The following CCSER1 variants were observed in gnomAD, a reference collection of about 807,000 sequenced individuals.
CCSER1 encodes serine-rich coiled-coil domain-containing protein 1.
In CCSER1, 41 loss-of-function variants were observed where a neutral mutation model predicts 82.0. The ratio of observed to expected loss-of-function variants is 0.50; its 90% confidence interval spans 0.39 to 0.65. The LOEUF (loss-of-function observed/expected upper bound fraction) is 0.65. Ranked by LOEUF, CCSER1 falls within the 30% of genes least tolerant of loss-of-function variation. The pLI is 0.00. For synonymous variants in CCSER1, 414 were observed against 383.9 expected (o/e 1.08, Z -0.92); for missense variants, 1,119 against 1,064.2 (o/e 1.05, Z -0.72).
At chr4:90,470,762 C>CAAAAA (rs754754971) in intron 5 of CCSER1, among the ~76,000 whole-genome samples, 858 of 68,310 alleles carry the variant, frequency 0.013, 10 homozygotes, top group Non-Finnish European at 0.017. Context: ...TTAATCAAAG[C>CAAAAA]AAAAAAAAAA....
chr4:91,181,600 TC>T (rs1358964673), intron 10 of CCSER1, among the ~76,000 whole-genome samples: 5 of 152,184 alleles, frequency 3.3e-5, no homozygotes, highest in African/African-American at 1.2e-4. Context: ...TGACCATTTT[TC>T]TCAGATCATC....
intron 10 of CCSER1, among the ~76,000 whole-genome samples, chr4:91,168,095 C>T (rs1732314046): frequency 6.8e-6 from 1 of 147,606 alleles, no homozygotes. Context: ...AGCGCCTCTG[C>T]CCAGCCCCCC....
chr4:91,460,503 GA>G (rs755352481), intron 10 of CCSER1, among the ~76,000 whole-genome samples: 75 of 152,122 alleles, frequency 4.9e-4, no homozygotes, highest in Non-Finnish European at 9.4e-4. Context: ...CCAGGAAGAA[GA>G]GAAACAATTT....
At chr4:91,326,142 G>A (rs917170892) in intron 10 of CCSER1, among the ~76,000 whole-genome samples, 1 of 152,114 alleles carries the variant, frequency 6.6e-6, no homozygotes, top group African/African-American at 2.4e-5. Flanking sequence ...AGCACATGTA[G>A]ATCAAAATAA....
At chr4:90,371,012 G>A (rs1747303934) in intron 3 of CCSER1, among the ~76,000 whole-genome samples, 1 of 151,782 alleles carries the variant, frequency 6.6e-6, no homozygotes, top group Non-Finnish European at 1.5e-5. Context: ...TTCTCAGCTG[G>A]GTACAAAACT....
At chr4:90,530,370 C>T (rs528260905) in intron 5 of CCSER1, among the ~76,000 whole-genome samples, 2 of 152,214 alleles carry the variant, frequency 1.3e-5, no homozygotes, top group East Asian at 3.9e-4. Context: ...AGCTGGTGAA[C>T]AGGCTCTTGA....
intron 3 of CCSER1, among the ~76,000 whole-genome samples, chr4:90,378,246 C>G (rs1215702066): frequency 6.6e-6 from 1 of 152,068 alleles, no homozygotes; most frequent in Non-Finnish European, 1.5e-5. Context: ...AAAATCTATA[C>G]CTGTCTTGGA....
intron 5 of CCSER1, among the ~76,000 whole-genome samples, chr4:90,506,455 T>C (rs1770693498): frequency 1.3e-5 from 2 of 152,130 alleles, no homozygotes; most frequent in African/African-American, 2.4e-5. Context: ...AAATAAATGT[T>C]TTTCAGCATT....
At chr4:90,598,173 A>T (rs776760953) in intron 5 of CCSER1, among the ~76,000 whole-genome samples, 5 of 152,116 alleles carry the variant, frequency 3.3e-5, no homozygotes, top group Non-Finnish European at 7.3e-5. Context: ...AAGATTGCTG[A>T]ATCATACGCT....
At chr4:91,335,060 G>C (rs186011890) in intron 10 of CCSER1, among the ~76,000 whole-genome samples, 21 of 152,018 alleles carry the variant, frequency 1.4e-4, no homozygotes, top group Non-Finnish European at 2.6e-4. Context: ...TCTATTCTTT[G>C]TAATATTGCA....
At chr4:90,560,906 A>G (rs1209971831) in intron 5 of CCSER1, among the ~76,000 whole-genome samples, 2 of 152,208 alleles carry the variant, frequency 1.3e-5, no homozygotes, top group African/African-American at 2.4e-5. Context: ...TTTATGAAAA[A>G]TAAAACAAAG....
At chr4:91,580,996 G>T (rs57113538) in intron 10 of CCSER1, among the ~76,000 whole-genome samples, 16,578 of 151,466 alleles carry the variant, frequency 0.11, 932 homozygotes, top group Middle Eastern at 0.18. Flanking sequence ...ATCTGTCTCG[G>T]AGCACAAGTT....
chr4:90,729,824 G>C (rs191310882), intron 7 of CCSER1, among the ~76,000 whole-genome samples: 2 of 151,816 alleles, frequency 1.3e-5, no homozygotes, highest in Non-Finnish European at 2.9e-5. Context: ...TGCAGTGAGC[G>C]GAGATAGCAC....
At chr4:90,384,118 T>G (rs1414677517) in intron 3 of CCSER1, among the ~76,000 whole-genome samples, 1 of 151,732 alleles carries the variant, frequency 6.6e-6, no homozygotes, top group African/African-American at 2.4e-5. Context: ...GTTTTTTTGG[T>G]GCAATCATTT....
intron 10 of CCSER1, among the ~76,000 whole-genome samples, chr4:91,146,735 G>A (rs192033171): frequency 8.5e-5 from 13 of 152,122 alleles, no homozygotes; most frequent in African/African-American, 2.4e-4. Flanking sequence ...GGTTTTTTAC[G>A]TTGATAGTTT....
chr4:91,248,944 G>T (rs546380007), intron 10 of CCSER1, among the ~76,000 whole-genome samples: 4 of 152,104 alleles, frequency 2.6e-5, no homozygotes, highest in Admixed American at 2.6e-4. Context: ...AAAATGAAAA[G>T]GTTCCCTGAC....
intron 9 of CCSER1, among the ~76,000 whole-genome samples, chr4:91,064,574 A>C (rs1209161323): frequency 6.6e-6 from 1 of 152,242 alleles, no homozygotes; most frequent in East Asian, 1.9e-4. Context: ...GGGACTGGTC[A>C]TGCAGGCACT....
rs10559291 is a variant in CCSER1 at position 90,675,616 on chromosome 4, TAA to T, written c.1932+47387_1932+47388del. On this transcript the variant is annotated intron_variant, in intron 6 of 10. Coordinates refer to ENST00000509176, the MANE Select transcript of CCSER1 (RefSeq NM_001145065.2). ...GAAAACTTTGTTAACACACATGATC[TAA>T]AATTTATATAGTATGTGTGTTTTTA... is the stretch of plus-strand genomic sequence containing the variant. Among the ~76,000 whole-genome samples the T allele has an allele frequency of 7.2e-3, 10 of 1,386 alleles. 2 individuals carry two copies. The highest frequency in any genetic ancestry group is 0.018 in the Admixed American group (2 of 110). 0.9% of individuals were successfully genotyped at this position (1,386 alleles called of 152,430 possible). A position where few individuals can be genotyped will look rare whatever the true frequency, so the allele number is the denominator to read the frequency against.
At chr4:91,343,027 T>A (rs1747819356) in intron 10 of CCSER1, among the ~76,000 whole-genome samples, 1 of 152,114 alleles carries the variant, frequency 6.6e-6, no homozygotes, top group Admixed American at 6.5e-5. Context: ...TCAGTGAAGA[T>A]ACTGATTTTT....
Sources: allele counts gnomAD v4.1 joint callset (sites outside exome capture counted in the v4.1 genomes callset), GRCh38; gene constraint gnomAD v4.1.1; transcripts MANE v1.5; gene names NCBI Gene and HGNC (gene_info 2026-07-23, HGNC 2026-07-21).